Variants in AFF2 observed in about 807,000 individuals in gnomAD.
The protein encoded by AFF2 is ALF transcription elongation factor 2, also known as AF4/FMR2 family member 2.
A neutral mutation model predicts 76.9 loss-of-function variants in AFF2; 14 were observed. That is an observed-to-expected ratio of 0.18 (90% confidence interval 0.12 to 0.28). The LOEUF is 0.28. Ranked by LOEUF, AFF2 falls within the 10% of genes least tolerant of loss-of-function variation. AFF2 has a pLI of 1.00. For missense variants in AFF2, 868 were observed against 1,001.1 expected, an observed-to-expected ratio of 0.87 and a Z score of 1.79; for synonymous variants, 398 against 366.7, an observed-to-expected ratio of 1.09 and a Z score of -0.98.
chrX:148,581,652 A>G (rs74897979), intron 1 of AFF2, among the ~76,000 whole-genome samples: 28,469 of 56,337 alleles, frequency 0.51, 6,930 homozygotes, highest in East Asian at 0.98. Context: ...ACATATATAC[A>G]TATACGTATA....
chrX:148,923,037 ACT>A lies in AFF2; in HGVS notation c.1397+18782_1397+18783del, dbSNP rs782646856. ...ACATGTTCATTAGAGGAAGCACATGACTCTGCCAGATTTAACTGACAGATTTT... is the reference window on the plus strand; with the variant it reads ...ACATGTTCATTAGAGGAAGCACATGACTGCCAGATTTAACTGACAGATTTT... On this transcript the variant is annotated intron_variant, in intron 9 of 20. Coordinates refer to ENST00000370460, the MANE Select transcript of AFF2 (RefSeq NM_002025.4). 3.7e-4 allele frequency among the ~76,000 whole-genome samples: 41 copies of A among 111,721 alleles called. No individual in the cohort carries two copies. In the East Asian group the frequency reaches 7.6e-3, roughly 21 times the overall value.
intron 3 of AFF2, among the ~76,000 whole-genome samples, chrX:148,781,997 G>A (rs1162695365): frequency 9.0e-6 from 1 of 110,670 alleles, no homozygotes. Flanking sequence ...GCTTCTGCTC[G>A]CCATCCTTGG....
intron 1 of AFF2, among the ~76,000 whole-genome samples, chrX:148,546,481 A>G (rs1201776907): frequency 7.1e-5 from 8 of 112,359 alleles, no homozygotes; most frequent in African/African-American, 2.3e-4. Context: ...CTTTTTGGTG[A>G]CTGTCATATG....
chrX:148,791,122 G>T (rs1557269900), intron 3 of AFF2, among the ~76,000 whole-genome samples: 1 of 112,131 alleles, frequency 8.9e-6, no homozygotes, highest in Non-Finnish European at 1.9e-5. Context: ...CTCTCACATA[G>T]ACTTTCACAT....
At chrX:148,659,021 T>C (rs901180467) in intron 2 of AFF2, among the ~76,000 whole-genome samples, 121 of 111,822 alleles carry the variant, frequency 1.1e-3, no homozygotes, top group African/African-American at 3.9e-3. Flanking sequence ...CATGGTTTTA[T>C]TCAAGGAAAG....
At chrX:148,664,812 T>C (rs1420391833) in intron 3 of AFF2, among the ~76,000 whole-genome samples, 1 of 112,552 alleles carries the variant, frequency 8.9e-6, no homozygotes, top group Non-Finnish European at 1.9e-5. Flanking sequence ...ATGTGAACAA[T>C]TGCTAGGAAA....
At chrX:148,817,405 G>A (rs782397460) in intron 4 of AFF2, among the ~76,000 whole-genome samples, 11 of 111,181 alleles carry the variant, frequency 9.9e-5, no homozygotes, top group African/African-American at 2.9e-4. Flanking sequence ...CTAGTGAAAT[G>A]TAATTGACAG....
At chrX:148,936,197 C>T (rs989325231) in intron 9 of AFF2, among the ~76,000 whole-genome samples, 3 of 110,990 alleles carry the variant, frequency 2.7e-5, no homozygotes, top group African/African-American at 6.6e-5. Flanking sequence ...ATTTACCTTG[C>T]GTTTTCTGTG....
At chrX:148,560,698 AT>A (rs1557240460) in intron 1 of AFF2, among the ~76,000 whole-genome samples, 1 of 112,341 alleles carries the variant, frequency 8.9e-6, no homozygotes, top group Non-Finnish European at 1.9e-5. Flanking sequence ...GAAATATCTG[AT>A]TTTTAAACAA....
intron 1 of AFF2, among the ~76,000 whole-genome samples, chrX:148,530,603 T>TC (rs11461491): frequency 3.6e-5 from 4 of 110,532 alleles, no homozygotes; most frequent in Admixed American, 9.7e-5. Flanking sequence ...CTTTTTTTTT[T>TC]CTTGCTTGCA....
intron 1 of AFF2, among the ~76,000 whole-genome samples, chrX:148,549,116 T>A (rs782132744): frequency 8.9e-6 from 1 of 112,351 alleles, no homozygotes; most frequent in East Asian, 2.8e-4. Flanking sequence ...TCTAACAGTG[T>A]CCTGAAAAAT....
intron 1 of AFF2, among the ~76,000 whole-genome samples, chrX:148,522,229 C>T (rs1385609696): frequency 9.8e-5 from 11 of 112,687 alleles, no homozygotes; most frequent in Non-Finnish European, 2.1e-4. Flanking sequence ...TTCACTTCTT[C>T]TCCAAGGATT....
intron 3 of AFF2, among the ~76,000 whole-genome samples, chrX:148,793,738 C>CA (rs781935319): frequency 3.6e-5 from 4 of 111,865 alleles, no homozygotes; most frequent in African/African-American, 6.5e-5. Context: ...CCATACCTTC[C>CA]ATTCACATGG....
At chrX:148,722,870 T>C (rs2055110444) in intron 3 of AFF2, among the ~76,000 whole-genome samples, 1 of 111,061 alleles carries the variant, frequency 9.0e-6, no homozygotes, top group Non-Finnish European at 1.9e-5. Context: ...CAATGTTCTC[T>C]TCCTTTCTCT....
intron 1 of AFF2, among the ~76,000 whole-genome samples, chrX:148,531,117 A>G (rs1315283843): frequency 8.9e-6 from 1 of 112,266 alleles, no homozygotes; most frequent in Non-Finnish European, 1.9e-5. Context: ...ATATATGGTA[A>G]AAGTATGAAC....
intron 2 of AFF2, among the ~76,000 whole-genome samples, chrX:148,656,583 T>G (rs1311770155): frequency 3.2e-5 from 3 of 94,322 alleles, no homozygotes; most frequent in African/African-American, 1.2e-4. Context: ...CACTGCAAGC[T>G]CCGCCTCCCG....
At chrX:148,849,177 A>T (rs782133645) in intron 7 of AFF2, among the ~76,000 whole-genome samples, 2 of 111,083 alleles carry the variant, frequency 1.8e-5, no homozygotes, top group South Asian at 7.7e-4. Flanking sequence ...CCCTTCAAAG[A>T]GAGCTGTAGA....
Position 148,885,949 on chromosome X carries a change from C to T in AFF2, c.1323C>T (p.Thr441=), listed in dbSNP as rs1431743238. 1.7e-6 allele frequency: 2 copies of T among 1,208,041 alleles called. No individual in the cohort carries two copies. Among genetic ancestry groups the T allele is most frequent in the Non-Finnish European group, 2.2e-6 (2 of 893,960 alleles). Residue 441 remains threonine (T), a synonymous_variant, in exon 8 of 21, where the codon ACC becomes ACT. Coordinates refer to ENST00000370460, the MANE Select transcript of AFF2 (RefSeq NM_002025.4). ...SDEDDLEPVK[T]LTTQCTATEL... ...AAGATGACCTTGAGCCTGTGAAGAC[C>T]TTGACCACTCAGTGCACTGCCACTG...
At chrX:148,913,605 G>A (rs782762850) in intron 9 of AFF2, among the ~76,000 whole-genome samples, 10 of 111,886 alleles carry the variant, frequency 8.9e-5, no homozygotes, top group Non-Finnish European at 1.9e-4. Flanking sequence ...CCATTTATTG[G>A]TGAATCTGAT....
Sources: gnomAD v4.1 joint callset for allele counts (sites outside exome capture counted in the v4.1 genomes callset) on GRCh38, gnomAD v4.1.1 for gene constraint, MANE v1.5 for transcripts, NCBI Gene and HGNC (gene_info 2026-07-23, HGNC 2026-07-21) for gene names.